Variants in DPYD observed in about 807,000 individuals in gnomAD.
The protein encoded by DPYD is dihydropyrimidine dehydrogenase, also known as dihydropyrimidine dehydrogenase [NADP(+)].
In DPYD, 109 loss-of-function variants were observed where a neutral mutation model predicts 116.2. The ratio of observed to expected loss-of-function variants is 0.94; its 90% CI spans 0.80 to 1.10. DPYD has a LOEUF of 1.10. Ranked by LOEUF, DPYD falls within the 50% of genes least tolerant of loss-of-function variation. The probability of loss-of-function intolerance (pLI) is 0.00; values close to 1 mark genes in which losing one functional copy is unlikely to be tolerated. For synonymous variants in DPYD, 440 were observed against 432.0 expected (o/e 1.02, Z -0.23); for missense variants, 1,302 against 1,254.5 (o/e 1.04, Z -0.57).
At chr1:97,497,303 T>C (rs1353186943) in intron 13 of DPYD, among the ~76,000 whole-genome samples, 4 of 151,932 alleles carry the variant, frequency 2.6e-5, no homozygotes, top group African/African-American at 4.8e-5. Flanking sequence ...TCATTGAATA[T>C]AGATGATCCT....
At chr1:97,827,772 A>C (rs1669311786) in intron 3 of DPYD, among the ~76,000 whole-genome samples, 1 of 152,152 alleles carries the variant, frequency 6.6e-6, no homozygotes, top group Non-Finnish European at 1.5e-5. Context: ...CTACTCAATT[A>C]AAGCACCATT....
At chr1:97,504,646 G>A (rs979446464) in intron 13 of DPYD, among the ~76,000 whole-genome samples, 1 of 151,878 alleles carries the variant, frequency 6.6e-6, no homozygotes, top group Non-Finnish European at 1.5e-5. Context: ...CTAAACAAAA[G>A]TATGTCTCCT....
intron 2 of DPYD, among the ~76,000 whole-genome samples, chr1:97,858,978 C>T (rs1670984284): frequency 6.6e-6 from 1 of 152,050 alleles, no homozygotes; most frequent in African/African-American, 2.4e-5. Flanking sequence ...TTAACTACTA[C>T]TTAATTTTAC....
intron 8 of DPYD, among the ~76,000 whole-genome samples, chr1:97,605,053 G>A (rs1655498581): frequency 6.6e-6 from 1 of 152,076 alleles, no homozygotes; most frequent in South Asian, 2.1e-4. Context: ...ATATCCAAAT[G>A]TCTTTTCAAG....
At chr1:97,761,326 C>G (rs1041215963) in intron 3 of DPYD, among the ~76,000 whole-genome samples, 1 of 151,992 alleles carries the variant, frequency 6.6e-6, no homozygotes, top group African/African-American at 2.4e-5. Context: ...CTGAAAACGT[C>G]TTTAAAATTA....
At chr1:97,762,145 C>A (rs1200443930) in intron 3 of DPYD, among the ~76,000 whole-genome samples, 1 of 151,926 alleles carries the variant, frequency 6.6e-6, no homozygotes, top group Non-Finnish European at 1.5e-5. Context: ...CACATGGACT[C>A]TTGAATCTAA....
At chr1:97,565,626 T>C (rs569539114) in intron 11 of DPYD, among the ~76,000 whole-genome samples, 12 of 152,260 alleles carry the variant, frequency 7.9e-5, no homozygotes, top group Non-Finnish European at 1.6e-4. Context: ...AAACTCCTAC[T>C]CAAGCTCTAA....
At chr1:97,215,005 T>G (rs1660281951) in intron 19 of DPYD, among the ~76,000 whole-genome samples, 1 of 152,234 alleles carries the variant, frequency 6.6e-6, no homozygotes, top group African/African-American at 2.4e-5. Flanking sequence ...GTACATTTTA[T>G]TTTAAAATTT....
intron 21 of DPYD, chr1:97,095,794 C>T (rs1185942405): frequency 2.6e-5 from 4 of 152,062 alleles, no homozygotes; most frequent in South Asian, 2.1e-4. Flanking sequence ...CTTGCTTCCC[C>T]GAAAACCTCG....
At chr1:97,703,003 T>C (rs1446197723) in intron 5 of DPYD, among the ~76,000 whole-genome samples, 1 of 151,970 alleles carries the variant, frequency 6.6e-6, no homozygotes, top group Admixed American at 6.6e-5. Flanking sequence ...CATACTAGAA[T>C]GTAAATTGTT....
At chr1:97,128,283 C>T (rs1653004690) in intron 20 of DPYD, among the ~76,000 whole-genome samples, 1 of 152,146 alleles carries the variant, frequency 6.6e-6, no homozygotes, top group South Asian at 2.1e-4. Context: ...CTTGAGTTCT[C>T]ATTTACTGAT....
At chr1:97,532,386 C>T (rs1354467834) in intron 12 of DPYD, among the ~76,000 whole-genome samples, 1 of 152,118 alleles carries the variant, frequency 6.6e-6, no homozygotes, top group Non-Finnish European at 1.5e-5. Flanking sequence ...CAGTGTGATG[C>T]TGGCCTCATA....
At chr1:97,444,502 T>C (rs539652932) in intron 14 of DPYD, among the ~76,000 whole-genome samples, 1 of 152,274 alleles carries the variant, frequency 6.6e-6, no homozygotes, top group East Asian at 1.9e-4. Context: ...TAAAAATATT[T>C]AATAATATAG....
intron 8 of DPYD, among the ~76,000 whole-genome samples, chr1:97,646,104 A>T (rs1302568228): frequency 6.6e-6 from 1 of 152,142 alleles, no homozygotes; most frequent in Admixed American, 6.6e-5. Flanking sequence ...TGTCTAAAGC[A>T]TCCCAGGGCA....
At chr1:97,546,117 G>A in intron 12 of DPYD, 1 of 1,430,398 alleles carries the variant, frequency 7.0e-7, no homozygotes, top group African/African-American at 1.4e-5. Context: ...GCAAACAATG[G>A]CTGAAGTATT....
At chr1:97,879,071 C>T (rs190273220) in intron 2 of DPYD, among the ~76,000 whole-genome samples, 2 of 152,078 alleles carry the variant, frequency 1.3e-5, no homozygotes, top group East Asian at 1.9e-4. Flanking sequence ...CTGGCAATTG[C>T]ATAGGTTCAG....
At chr1:97,198,152 G>A (rs1658943921) in intron 19 of DPYD, among the ~76,000 whole-genome samples, 1 of 152,058 alleles carries the variant, frequency 6.6e-6, no homozygotes, top group South Asian at 2.1e-4. Context: ...TTTAGAGTGG[G>A]ATCCTGGAGT....
chr1:97,763,295 T>C (rs565007294), intron 3 of DPYD, among the ~76,000 whole-genome samples: 1 of 152,088 alleles, frequency 6.6e-6, no homozygotes, highest in Non-Finnish European at 1.5e-5. Context: ...GATTAATAAA[T>C]GTTAGATTAA....
intron 1 of DPYD, among the ~76,000 whole-genome samples, chr1:97,915,972 T>C (rs1315856290): frequency 6.6e-6 from 1 of 152,166 alleles, no homozygotes; most frequent in Non-Finnish European, 1.5e-5. Flanking sequence ...CGCTAATTAT[T>C]AGAATTCTCC....
Sources: allele counts gnomAD v4.1 joint callset (sites outside exome capture counted in the v4.1 genomes callset), GRCh38; gene constraint gnomAD v4.1.1; transcripts MANE v1.5; gene names NCBI Gene and HGNC (gene_info 2026-07-23, HGNC 2026-07-21).